PSMA1: variants seen among roughly 807,000 people sequenced by gnomAD.
PSMA1 encodes the protein proteasome subunit alpha type-1.
PSMA1 carries 3 observed loss-of-function variants against 38.4 expected under a neutral mutation model. The ratio of observed to expected loss-of-function variants is 0.08; its 90% CI spans 0.04 to 0.20. The LOEUF (loss-of-function observed/expected upper bound fraction) is 0.20. Among genes scored for constraint, PSMA1 ranks in the 10% least tolerant of loss-of-function variants. PSMA1 has a pLI of 1.00. For missense variants in PSMA1, 227 were observed against 325.3 expected (o/e 0.70, Z 2.32); for synonymous variants, 101 against 107.1 (o/e 0.94, Z 0.35).
intron 2 of PSMA1, among the ~76,000 whole-genome samples, chr11:14,607,132 G>T (rs1053928334): frequency 1.3e-5 from 2 of 152,222 alleles, no homozygotes; most frequent in African/African-American, 4.8e-5. Flanking sequence ...GTTTCCCTGG[G>T]GAGGAGTGAG....
intron 2 of PSMA1, among the ~76,000 whole-genome samples, chr11:14,567,226 G>T (rs189310715): frequency 5.4e-4 from 82 of 152,284 alleles, no homozygotes; most frequent in Non-Finnish European, 7.4e-4. Flanking sequence ...GCTGAACCCT[G>T]CACTTTGGTG....
At chr11:14,569,312 G>A (rs1312253898) in intron 2 of PSMA1, among the ~76,000 whole-genome samples, 1 of 152,084 alleles carries the variant, frequency 6.6e-6, no homozygotes, top group Non-Finnish European at 1.5e-5. Flanking sequence ...GCAGAAGACG[G>A]GTGATTTCCG....
chr11:14,536,396 G>A (rs1194662263), intron 2 of PSMA1, among the ~76,000 whole-genome samples: 1 of 151,598 alleles, frequency 6.6e-6, no homozygotes, highest in Non-Finnish European at 1.5e-5. Flanking sequence ...GCTTGGTGGT[G>A]AGCGCCTGTA....
intron 8 of PSMA1, among the ~76,000 whole-genome samples, chr11:14,508,307 C>T (rs1344886611): frequency 2.0e-5 from 3 of 152,174 alleles, no homozygotes; most frequent in Middle Eastern, 3.4e-3. Flanking sequence ...CAAGTTCCCA[C>T]TGTATCCACT....
intron 2 of PSMA1, among the ~76,000 whole-genome samples, chr11:14,533,565 TTTC>T (rs1228301854): frequency 7.1e-6 from 1 of 141,516 alleles, no homozygotes; most frequent in Non-Finnish European, 1.5e-5. Context: ...TCTAAGTTTT[TTTC>T]TTTTTTCTTT....
intron 2 of PSMA1, among the ~76,000 whole-genome samples, chr11:14,545,200 C>T (rs1476305836): frequency 6.6e-6 from 1 of 152,050 alleles, no homozygotes; most frequent in Non-Finnish European, 1.5e-5. Flanking sequence ...AAAAATAAAA[C>T]ACATAAGAAT....
chr11:14,550,920 G>A (rs999512660), intron 2 of PSMA1, among the ~76,000 whole-genome samples: 3 of 152,020 alleles, frequency 2.0e-5, no homozygotes, highest in African/African-American at 4.8e-5. Flanking sequence ...TCATTAGAAC[G>A]TCCATTATTT....
At chr11:14,524,247 T>A (rs1851562884), upstream of PSMA1, among the ~76,000 whole-genome samples, 2 of 151,626 alleles carry the variant, frequency 1.3e-5, no homozygotes, top group African/African-American at 4.9e-5. Context: ...GGTGACAGGA[T>A]CACATGAGCC....
intron 2 of PSMA1, among the ~76,000 whole-genome samples, chr11:14,598,794 C>T (rs1244881100): frequency 6.6e-6 from 1 of 151,388 alleles, no homozygotes; most frequent in East Asian, 1.9e-4. Flanking sequence ...ATGATGTTAG[C>T]TGGTTATTTT....
At chr11:14,593,077 A>G (rs923713807) in intron 2 of PSMA1, among the ~76,000 whole-genome samples, 1 of 152,206 alleles carries the variant, frequency 6.6e-6, no homozygotes, top group Non-Finnish European at 1.5e-5. Flanking sequence ...AATGTACAAA[A>G]CACTGTGTTG....
intron 2 of PSMA1, among the ~76,000 whole-genome samples, chr11:14,544,678 CAG>C: frequency 6.6e-6 from 1 of 152,266 alleles, no homozygotes; most frequent in African/African-American, 2.4e-5. Context: ...TACGTAATCA[CAG>C]GGGTTGGAGA....
chr11:14,581,574 A>G (rs550419140), intron 2 of PSMA1, among the ~76,000 whole-genome samples: 11 of 152,214 alleles, frequency 7.2e-5, no homozygotes, highest in Non-Finnish European at 1.2e-4. Context: ...ATACACTAAA[A>G]AAATCACCTT....
At chr11:14,588,098 A>G (rs968151909) in intron 2 of PSMA1, among the ~76,000 whole-genome samples, 4 of 152,258 alleles carry the variant, frequency 2.6e-5, no homozygotes, top group Admixed American at 1.3e-4. Context: ...GCAGAAATGC[A>G]ATCTGACAAA....
At chr11:14,585,352 G>T (rs1239401265) in intron 2 of PSMA1, among the ~76,000 whole-genome samples, 1 of 152,142 alleles carries the variant, frequency 6.6e-6, no homozygotes, top group African/African-American at 2.4e-5. Context: ...CTATATATAT[G>T]TTGAAAGTGG....
intron 2 of PSMA1, among the ~76,000 whole-genome samples, chr11:14,605,827 G>A (rs116245855): frequency 0.016 from 2,373 of 152,286 alleles, 55 homozygotes; most frequent in African/African-American, 0.054. Flanking sequence ...CCAACGTGTA[G>A]GTTGTATGTT....
At chr11:14,569,858 T>G in intron 2 of PSMA1, among the ~76,000 whole-genome samples, 1 of 151,970 alleles carries the variant, frequency 6.6e-6, no homozygotes, top group East Asian at 1.9e-4. Context: ...TTGAAGAGAG[T>G]AGTGGTTCTC....
At chr11:14,630,223 G>C (rs1426136689) in intron 1 of PSMA1, among the ~76,000 whole-genome samples, 3 of 152,102 alleles carry the variant, frequency 2.0e-5, no homozygotes, top group Non-Finnish European at 4.4e-5. Context: ...TGGTGAGAGA[G>C]GGCATCCCTG....
intron 1 of PSMA1, among the ~76,000 whole-genome samples, chr11:14,637,390 C>G (rs1853123254): frequency 6.6e-6 from 1 of 152,210 alleles, no homozygotes; most frequent in Non-Finnish European, 1.5e-5. Context: ...TCTGTTAGAG[C>G]ATTTTGCACT....
rs374329469 is a variant in PSMA1 at position 14,603,921 on chromosome 11, A to C, written c.21+7045T>G. 6.6e-5 allele frequency among the ~76,000 whole-genome samples: 10 copies of C among 152,348 alleles called. No individual in the cohort carries two copies. The East Asian group carries it at 1.3e-3, about 21-fold the overall frequency. ...TGACAGGGATACAGCTTGTGGCTTG[A>C]TTCCTTTACAAGAGAAAAAAGACTG... On this transcript the variant is annotated intron_variant, in intron 2 of 10. Coordinates refer to the PSMA1 transcript ENST00000418988.
Sources: gnomAD v4.1 joint callset for allele counts (sites outside exome capture counted in the v4.1 genomes callset) on GRCh38, gnomAD v4.1.1 for gene constraint, MANE v1.5 for transcripts, NCBI Gene and HGNC (gene_info 2026-07-23, HGNC 2026-07-21) for gene names.